Variants in WWTR1 observed in about 807,000 individuals in gnomAD.
WWTR1 encodes WW domain containing transcription regulator 1.
Under a neutral mutation model 40.1 loss-of-function variants are expected in WWTR1, and 13 were observed. The ratio of observed to expected loss-of-function variants is 0.32; its 90% CI spans 0.21 to 0.52. WWTR1 has a LOEUF of 0.52. WWTR1 is among the 20% of genes least tolerant of loss of function. The probability of loss-of-function intolerance (pLI) is 0.97; values close to 1 mark genes in which losing one functional copy is unlikely to be tolerated. For missense variants in WWTR1, 436 were observed against 523.1 expected (o/e 0.83, Z 1.63); for synonymous variants, 230 against 210.1 (o/e 1.09, Z -0.82).
At chr3:149,599,722 C>G (rs1739164036) in intron 2 of WWTR1, among the ~76,000 whole-genome samples, 1 of 152,144 alleles carries the variant, frequency 6.6e-6, no homozygotes, top group Non-Finnish European at 1.5e-5. Flanking sequence ...ATTTTTTAAA[C>G]TTAAAAGTAA....
chr3:149,707,962 G>A (rs903627246), upstream of WWTR1, among the ~76,000 whole-genome samples: 1 of 147,670 alleles, frequency 6.8e-6, no homozygotes, highest in African/African-American at 2.5e-5. Context: ...TCCTAAACTA[G>A]AATTATGGTA....
At position 149,642,245 on chromosome 3, in the gene WWTR1, A is replaced by G. The variant is rs1356996621; in HGVS notation, c.431+14631T>C. Among the ~76,000 whole-genome samples the G allele has an allele frequency of 3.3e-5, 5 of 150,384 alleles. No homozygotes were observed. The East Asian group carries it at 9.8e-4, about 30-fold the overall frequency. Reference sequence around the variant, plus strand: ...AGACCAGCCTGATCAACAGGGAGAAACCCCGTCTCTACTAAAAATACAAAA... The same window carrying G: ...AGACCAGCCTGATCAACAGGGAGAAGCCCCGTCTCTACTAAAAATACAAAA... On this transcript the variant is annotated intron_variant, in intron 2 of 6. Transcript: ENST00000360632.
At chr3:149,619,529 G>T (rs1401815398) in intron 2 of WWTR1, among the ~76,000 whole-genome samples, 2 of 152,050 alleles carry the variant, frequency 1.3e-5, no homozygotes, top group African/African-American at 4.8e-5. Context: ...AGGCTGAGGC[G>T]GGAGTATCAC....
At chr3:149,711,614 C>T (rs568304009) in intron 5 of WWTR1, among the ~76,000 whole-genome samples, 1 of 152,340 alleles carries the variant, frequency 6.6e-6, no homozygotes, top group South Asian at 2.1e-4. Context: ...GATCACACCA[C>T]TGTCCCTGCT....
intron 1 of WWTR1, among the ~76,000 whole-genome samples, chr3:149,676,058 T>C (rs1714247424): frequency 6.6e-6 from 1 of 152,102 alleles, no homozygotes; most frequent in Non-Finnish European, 1.5e-5. Flanking sequence ...TATCTACTGG[T>C]AAGGAATTAT....
intron 2 of WWTR1, among the ~76,000 whole-genome samples, chr3:149,667,315 G>T (rs570865720): frequency 3.1e-5 from 3 of 98,098 alleles, no homozygotes; most frequent in East Asian, 6.7e-4. Context: ...GGGAGGCTGA[G>T]GGGGGGTGGA....
chr3:149,653,374 G>A (rs59513967), intron 2 of WWTR1, among the ~76,000 whole-genome samples: 1 of 152,204 alleles, frequency 6.6e-6, no homozygotes, highest in Non-Finnish European at 1.5e-5. Flanking sequence ...AATAATGAAT[G>A]AACACAGTGG....
intron 3 of WWTR1, among the ~76,000 whole-genome samples, chr3:149,549,708 A>G (rs1171098008): frequency 2.6e-5 from 4 of 152,084 alleles, no homozygotes; most frequent in Non-Finnish European, 5.9e-5. Flanking sequence ...GCATGGTGGC[A>G]TGCATTCGTG....
At chr3:149,589,348 C>A (rs1230833527) in intron 2 of WWTR1, among the ~76,000 whole-genome samples, 1 of 152,178 alleles carries the variant, frequency 6.6e-6, no homozygotes, top group African/African-American at 2.4e-5. Context: ...TCCCTCCTGA[C>A]TTTTTCTGTT....
intron 2 of WWTR1, among the ~76,000 whole-genome samples, chr3:149,580,539 T>C (rs551845340): frequency 2.6e-5 from 4 of 152,352 alleles, no homozygotes; most frequent in African/African-American, 9.6e-5. Flanking sequence ...TCGCAGTGGA[T>C]GCTCAGCTCA....
At chr3:149,683,190 T>C (rs1714514689) in intron 1 of WWTR1, among the ~76,000 whole-genome samples, 2 of 152,240 alleles carry the variant, frequency 1.3e-5, no homozygotes, top group Non-Finnish European at 2.9e-5. Context: ...GGGATACTAT[T>C]ATTCTTTTGA....
chr3:149,614,391 G>C (rs984562963), intron 2 of WWTR1, among the ~76,000 whole-genome samples: 15 of 152,198 alleles, frequency 9.9e-5, no homozygotes, highest in Non-Finnish European at 2.1e-4. Flanking sequence ...ATACTGTACA[G>C]TTTTTGTAGC....
intron 2 of WWTR1, among the ~76,000 whole-genome samples, chr3:149,668,564 C>T (rs1489122938): frequency 2.1e-5 from 3 of 140,314 alleles, no homozygotes; most frequent in South Asian, 2.2e-4. Flanking sequence ...GCCGAGATGG[C>T]GCCACTGCAC....
At chr3:149,589,907 A>T (rs1738617773) in intron 2 of WWTR1, among the ~76,000 whole-genome samples, 1 of 152,164 alleles carries the variant, frequency 6.6e-6, no homozygotes, top group Admixed American at 6.5e-5. Flanking sequence ...ATATGTTTTT[A>T]TCTGTAAGTA....
At chr3:149,669,807 C>T (rs929265867) in exon 2 of WWTR1, 1 of 152,056 alleles carries the variant, frequency 6.6e-6, no homozygotes, top group African/African-American at 2.4e-5. Flanking sequence ...CACTAGTAAG[C>T]GTGGCTTATG....
At chr3:149,689,576 G>C (rs1029992174) in intron 1 of WWTR1, among the ~76,000 whole-genome samples, 5 of 151,870 alleles carry the variant, frequency 3.3e-5, no homozygotes, top group Non-Finnish European at 7.4e-5. Context: ...GGAAACAATG[G>C]CATGACATAT....
chr3:149,662,321 C>T (rs113054647), upstream of WWTR1, among the ~76,000 whole-genome samples: 35 of 152,258 alleles, frequency 2.3e-4, no homozygotes, highest in African/African-American at 7.7e-4. Flanking sequence ...GTCTGACTAT[C>T]TCATAAAGAA....
At chr3:149,565,002 C>G (rs964991873) in intron 3 of WWTR1, among the ~76,000 whole-genome samples, 1 of 151,916 alleles carries the variant, frequency 6.6e-6, no homozygotes, top group Non-Finnish European at 1.5e-5. Context: ...ACCTGGCCAA[C>G]GTGGTGAAAA....
intron 1 of WWTR1, among the ~76,000 whole-genome samples, chr3:149,683,842 G>A (rs1020223806): frequency 2.0e-5 from 3 of 152,304 alleles, no homozygotes; most frequent in Middle Eastern, 3.4e-3. Context: ...CAAGAGAGAC[G>A]AGCTGGGGTG....
Sources: gnomAD v4.1 joint callset for allele counts (sites outside exome capture counted in the v4.1 genomes callset) on GRCh38, gnomAD v4.1.1 for gene constraint, MANE v1.5 for transcripts, NCBI Gene and HGNC (gene_info 2026-07-23, HGNC 2026-07-21) for gene names.